Variants in CDH6 observed in about 807,000 individuals in gnomAD.
CDH6 encodes the protein cadherin-6.
CDH6 carries 31 observed loss-of-function variants against 78.0 expected under a neutral mutation model. That is an observed-to-expected ratio of 0.40 (90% CI 0.30 to 0.54). CDH6 has a LOEUF of 0.54. Among genes scored for constraint, CDH6 ranks in the 20% least tolerant of loss-of-function variants. CDH6 has a pLI of 0.56. For missense variants in CDH6, 724 were observed against 975.9 expected, an observed-to-expected ratio of 0.74 and a Z score of 3.44; for synonymous variants, 376 against 368.8, an observed-to-expected ratio of 1.02 and a Z score of -0.23.
intron 4 of CDH6, among the ~76,000 whole-genome samples, chr5:31,298,549 G>T (rs947474368): frequency 2.0e-5 from 3 of 152,184 alleles, no homozygotes; most frequent in African/African-American, 4.8e-5. Context: ...TTGACCTGTT[G>T]TCTGAAGTAT....
chr5:31,227,174 A>G (rs999137014), intron 1 of CDH6, among the ~76,000 whole-genome samples: 1 of 151,730 alleles, frequency 6.6e-6, no homozygotes, highest in Non-Finnish European at 1.5e-5. Flanking sequence ...ATCCCACTTC[A>G]CCCCCTTTCT....
At chr5:31,256,444 T>C (rs1018981452) in intron 1 of CDH6, among the ~76,000 whole-genome samples, 21 of 152,188 alleles carry the variant, frequency 1.4e-4, no homozygotes, top group African/African-American at 3.6e-4. Context: ...TAAGAACCAC[T>C]TGTGCTTTTG....
At chr5:31,247,362 G>A (rs940860627) in intron 1 of CDH6, among the ~76,000 whole-genome samples, 1 of 152,212 alleles carries the variant, frequency 6.6e-6, no homozygotes, top group African/African-American at 2.4e-5. Context: ...CATGTCCAAA[G>A]ACTCATAAGT....
intron 2 of CDH6, among the ~76,000 whole-genome samples, chr5:31,274,918 A>G (rs946050933): frequency 6.6e-6 from 1 of 152,228 alleles, no homozygotes; most frequent in Admixed American, 6.5e-5. Flanking sequence ...CCACACTCCA[A>G]CAAGTTAAAC....
intron 2 of CDH6, among the ~76,000 whole-genome samples, chr5:31,287,504 A>G (rs1366377135): frequency 6.6e-6 from 1 of 152,182 alleles, no homozygotes; most frequent in African/African-American, 2.4e-5. Flanking sequence ...TGTCTGAGAA[A>G]CCTACTTGTA....
intron 1 of CDH6, among the ~76,000 whole-genome samples, chr5:31,199,535 T>C (rs1420587609): frequency 1.4e-5 from 2 of 145,984 alleles, no homozygotes; most frequent in Non-Finnish European, 1.5e-5. Flanking sequence ...TATGTGTATA[T>C]ATATGTATAC....
Position 31,267,673 on chromosome 5 carries a change from C to T in CDH6, c.200C>T (p.Thr67Ile). The T allele has an allele frequency of 6.2e-7, 1 of 1,613,920 alleles. No homozygotes were observed. The highest frequency in any genetic ancestry group is 8.5e-7 in the Non-Finnish European group (1 of 1,179,818). ...WNQFFLLEEY[T>I]GSDYQYVGKL... is the part of the protein sequence containing the mutation. The stretch of plus-strand genomic sequence containing the variant: ...CAGTTCTTTCTCCTGGAGGAATACA[C>T]AGGATCCGATTATCAGTATGTGGGC... The change falls in exon 2 of 12, where the codon ACA (threonine) becomes ATA (isoleucine). Residue 67 changes from threonine to isoleucine, a missense_variant. Around this residue, in one of 3 missense-constraint regions of CDH6, gnomAD observed 446 missense variants for 684.5 expected, o/e 0.65. Transcript: ENST00000265071.
At chr5:31,208,363 G>A (rs1416012611) in intron 1 of CDH6, among the ~76,000 whole-genome samples, 1 of 152,126 alleles carries the variant, frequency 6.6e-6, no homozygotes, top group Non-Finnish European at 1.5e-5. Context: ...GCCACGAGGG[G>A]TTTTAGACCC....
intron 1 of CDH6, among the ~76,000 whole-genome samples, chr5:31,221,561 G>A (rs1741004501): frequency 6.6e-6 from 1 of 152,068 alleles, no homozygotes; most frequent in Non-Finnish European, 1.5e-5. Flanking sequence ...ATACACCTGA[G>A]AAAAGACTGT....
In CDH6 at chr5:31,317,480, C is replaced by T; in HGVS notation, c.1618C>T (p.Gln540Ter). The change falls in exon 10 of 12, where the codon CAA becomes TAA. Residue 540 changes from glutamine to a stop codon, truncating the protein, a stop_gained. Coordinates refer to ENST00000265071, the MANE Select transcript of CDH6 (RefSeq NM_004932.4). LOFTEE classifies it high-confidence loss of function. ...EAASGSNFTIQDNKDNTAGIL... is the reference protein window; with the variant it reads ...EAASGSNFTI ...AGCCAGTGGCTCAAACTTTACCATT[C>T]AAGACAACAAAGGTAAATGAGTTCA... is the stretch of plus-strand genomic sequence containing the variant. 2 of 1,606,418 alleles carry T rather than the reference C, an allele frequency of 1.2e-6. No homozygotes were observed. The highest frequency in any genetic ancestry group is 1.7e-6 in the Non-Finnish European group (2 of 1,175,028).
intron 11 of CDH6, among the ~76,000 whole-genome samples, chr5:31,321,230 G>C (rs909967129): frequency 5.2e-5 from 6 of 116,398 alleles, no homozygotes; most frequent in African/African-American, 3.3e-5. Flanking sequence ...ATTATCAAAT[G>C]CGTGAATGAA....
At chr5:31,222,793 A>C (rs1425395965) in intron 1 of CDH6, among the ~76,000 whole-genome samples, 2 of 152,160 alleles carry the variant, frequency 1.3e-5, no homozygotes, top group Non-Finnish European at 2.9e-5. Context: ...CCTCTATTAC[A>C]CTTGGCAAAA....
chr5:31,220,766 C>T (rs1740983629), intron 1 of CDH6, among the ~76,000 whole-genome samples: 1 of 152,026 alleles, frequency 6.6e-6, no homozygotes, highest in Non-Finnish European at 1.5e-5. Flanking sequence ...TATTTTATCC[C>T]CCAACCTGAA....
intron 2 of CDH6, among the ~76,000 whole-genome samples, chr5:31,291,106 C>T (rs1027247516): frequency 6.6e-6 from 1 of 152,006 alleles, no homozygotes; most frequent in Non-Finnish European, 1.5e-5. Flanking sequence ...ATACTGAAAC[C>T]GATGAAAGAA....
intron 2 of CDH6, among the ~76,000 whole-genome samples, chr5:31,293,148 G>T (rs183447387): frequency 3.0e-4 from 45 of 151,956 alleles, no homozygotes; most frequent in Non-Finnish European, 4.6e-4. Context: ...GTCTCTGCTT[G>T]ATTACCTTTA....
intron 1 of CDH6, among the ~76,000 whole-genome samples, chr5:31,195,539 TGTGTAATA>T (rs1740141523): frequency 6.6e-6 from 1 of 152,176 alleles, no homozygotes; most frequent in African/African-American, 2.4e-5. Flanking sequence ...CATCATCCCG[TGTGTAATA>T]GTACTTGCAC....
At chr5:31,293,630 C>T (rs192691656) in intron 2 of CDH6, among the ~76,000 whole-genome samples, 29 of 152,098 alleles carry the variant, frequency 1.9e-4, no homozygotes, top group Admixed American at 9.8e-4. Flanking sequence ...ATAGGAAAAT[C>T]GTGAAAAGAG....
At chr5:31,290,423 G>A (rs555858739) in intron 2 of CDH6, among the ~76,000 whole-genome samples, 12 of 152,282 alleles carry the variant, frequency 7.9e-5, no homozygotes, top group East Asian at 5.8e-4. Flanking sequence ...ATGGTGAATC[G>A]TTAAAAGTGA....
intron 11 of CDH6, 112 bp downstream of exon 11, chr5:31,318,036 T>C (rs1248934667): frequency 7.9e-7 from 1 of 1,263,392 alleles, no homozygotes; most frequent in Non-Finnish European, 1.1e-6. Flanking sequence ...CTGATCTAGG[T>C]GAGTCGAGTT....
Sources: allele counts gnomAD v4.1 joint callset (sites outside exome capture counted in the v4.1 genomes callset), GRCh38; gene constraint gnomAD v4.1.1; regional missense constraint gnomAD v4.1.1; transcripts MANE v1.5; gene names NCBI Gene and HGNC (gene_info 2026-07-23, HGNC 2026-07-21).